The following TJP2 variants were observed in gnomAD, a reference collection of about 807,000 sequenced individuals.
TJP2 encodes tight junction protein 2.
In TJP2, 91 loss-of-function variants were observed where a neutral mutation model predicts 133.1. The ratio of observed to expected loss-of-function variants is 0.68; its 90% CI spans 0.58 to 0.81. The LOEUF is 0.81. TJP2 is among the 40% of genes least tolerant of loss of function. The pLI is 0.00. For missense variants in TJP2, 1,541 were observed against 1,565.6 expected (o/e 0.98, Z 0.26); for synonymous variants, 592 against 583.4 (o/e 1.01, Z -0.21).
chr9:69,176,968 G>C (rs1410438450), intron 1 of TJP2, among the ~76,000 whole-genome samples: 1 of 152,196 alleles, frequency 6.6e-6, no homozygotes, highest in East Asian at 1.9e-4. Flanking sequence ...GTTTGGGTGT[G>C]GTGGGGGCGG....
chr9:69,232,215 A>AT (rs1265737796), intron 11 of TJP2, among the ~76,000 whole-genome samples: 1 of 152,228 alleles, frequency 6.6e-6, no homozygotes. Context: ...AGGTCAGGCA[A>AT]TAGGTGGTCC....
At chr9:69,201,174 A>G (rs1280919118) in intron 1 of TJP2, among the ~76,000 whole-genome samples, 2 of 152,144 alleles carry the variant, frequency 1.3e-5, no homozygotes, top group African/African-American at 2.4e-5. Context: ...GGCCAGGTGC[A>G]TGGTTGCTTT....
intron 1 of TJP2, among the ~76,000 whole-genome samples, chr9:69,207,142 G>A (rs901789102): frequency 7.9e-5 from 12 of 151,860 alleles, no homozygotes; most frequent in African/African-American, 1.9e-4. Context: ...ACACACACAC[G>A]CCCCTAAACA....
chr9:69,189,201 C>G (rs568149889), intron 1 of TJP2, among the ~76,000 whole-genome samples: 3 of 152,160 alleles, frequency 2.0e-5, no homozygotes, highest in African/African-American at 7.2e-5. Flanking sequence ...CAGATACTGC[C>G]GAGATGTTGG....
intron 1 of TJP2, among the ~76,000 whole-genome samples, chr9:69,202,008 G>T (rs1339265606): frequency 6.6e-6 from 1 of 152,186 alleles, no homozygotes; most frequent in African/African-American, 2.4e-5. Flanking sequence ...AGTTTTGCAA[G>T]ATGAAGAGTT....
rs1424807400 is a variant in TJP2 at position 69,174,417 on chromosome 9, G to A, written c.45G>A (p.Leu15=). The A allele has an allele frequency of 3.2e-6, 5 of 1,551,606 alleles. No individual in the cohort carries two copies. Among genetic ancestry groups the A allele is most frequent in the Non-Finnish European group, 3.5e-6 (4 of 1,147,120 alleles). ...GDRGFPPRRE[L]SGWLRAPGME... is the part of the protein sequence containing the mutation. ...GCGGGTTTCCACCCCGGCGGGAGCT[G>A]TCAGGTTGGCTCCGCGTAAGTGCCT... The change falls in exon 1 of 23, where the codon CTG becomes CTA. Residue 15 remains leucine, a synonymous_variant. Transcript: ENST00000377245.
chr9:69,230,146 A>T lies in TJP2; in HGVS notation c.1585A>T (p.Asn529Tyr). ...DSVGLRLAGG[N>Y]DVGIFVAGIQ... ...CGTGGGCCTCCGGTTGGCTGGTGGC[A>T]ATGATGTCGGGATATTTGTTGCTGG... The change falls in exon 11 of 23, where the codon AAT becomes TAT. Residue 529 changes from asparagine (N) to tyrosine (Y), a missense_variant. Asn to Tyr is a moderately radical substitution (Grantham distance 143). Coordinates refer to ENST00000377245, the MANE Select transcript of TJP2 (RefSeq NM_004817.4). 6.2e-7 allele frequency: 1 copy of T among 1,614,192 alleles called. No homozygotes were observed. The highest frequency in any genetic ancestry group is 8.5e-7 in the Non-Finnish European group (1 of 1,180,036).
At chr9:69,225,204 T>G in intron 5 of TJP2, 100 bp from the exon 6 acceptor site, 2 of 788,418 alleles carry the variant, frequency 2.5e-6, no homozygotes, top group Admixed American at 2.1e-5. Flanking sequence ...ATATACAAAA[T>G]TAACTTTTTA....
intron 1 of TJP2, among the ~76,000 whole-genome samples, chr9:69,132,258 T>C (rs528810945): frequency 1.1e-4 from 17 of 152,204 alleles, no homozygotes; most frequent in Admixed American, 5.2e-4. Context: ...TTGTACAGTT[T>C]AAGGACAGTG....
intron 1 of TJP2, among the ~76,000 whole-genome samples, chr9:69,132,223 C>T (rs1371533813): frequency 6.6e-6 from 1 of 152,258 alleles, no homozygotes; most frequent in Non-Finnish European, 1.5e-5. Flanking sequence ...ACAAGGAAAG[C>T]AGCTGTTCAG....
intron 7 of TJP2, among the ~76,000 whole-genome samples, chr9:69,227,088 A>AAAT (rs1213288089): frequency 6.6e-6 from 1 of 152,086 alleles, no homozygotes; most frequent in Admixed American, 6.6e-5. Context: ...GAAGTTTAGA[A>AAAT]AATATTAAGT....
chr9:69,167,793 G>A (rs1245195257), intron 2 of TJP2, among the ~76,000 whole-genome samples: 1 of 151,674 alleles, frequency 6.6e-6, no homozygotes, highest in African/African-American at 2.4e-5. Flanking sequence ...GCTTGGACCT[G>A]GGAGGCAGAG....
intron 1 of TJP2, among the ~76,000 whole-genome samples, chr9:69,207,992 G>T (rs767159710): frequency 2.0e-5 from 3 of 152,206 alleles, no homozygotes; most frequent in Admixed American, 6.5e-5. Context: ...GGGCTTTGGC[G>T]ATTTTATTCA....
Position 69,216,623 on chromosome 9 carries a change from C to T in TJP2, c.239+160C>T, listed in dbSNP as rs75014297. Among the ~76,000 whole-genome samples the T allele has an allele frequency of 6.6e-4, 100 of 150,490 alleles. No homozygotes were observed. The East Asian group carries it at 0.017, about 25-fold the overall frequency. On this transcript the variant is annotated intron_variant, in intron 3 of 22. Coordinates refer to ENST00000377245, the MANE Select transcript of TJP2 (RefSeq NM_004817.4). ...TCAAGCTGGAATGGAAGCCATAACA[C>T]ACCATGTTTGAATAATGCCCAAACC...
In TJP2 at chr9:69,228,131, A is replaced by C. The variant is rs148414404; in HGVS notation, c.1453+17A>C. On this transcript the variant is annotated intron_variant, in intron 9 of 22. Coordinates refer to ENST00000377245, the MANE Select transcript of TJP2 (RefSeq NM_004817.4). ...ACCCCCCAGGTGAGCCATTAAGACC[A>C]CTCAGTTTCAACAGTTGTGTTCAGA... 1.4e-5 allele frequency: 23 copies of C among 1,588,810 alleles called. No homozygotes were observed. The East Asian group carries it at 4.1e-4, about 28-fold the overall frequency.
intron 2 of TJP2, among the ~76,000 whole-genome samples, chr9:69,169,119 T>A (rs577873753): frequency 1.3e-5 from 2 of 152,300 alleles, no homozygotes; most frequent in East Asian, 1.9e-4. Flanking sequence ...CTCAGCACTT[T>A]AGTCATCTCT....
chr9:69,189,363 C>T (rs1358194858), intron 1 of TJP2, among the ~76,000 whole-genome samples: 1 of 152,190 alleles, frequency 6.6e-6, no homozygotes, highest in African/African-American at 2.4e-5. Flanking sequence ...TCCTCACTGT[C>T]TTTCCCCAGG....
chr9:69,134,089 T>A (rs760143097), intron 1 of TJP2, among the ~76,000 whole-genome samples: 2 of 152,182 alleles, frequency 1.3e-5, no homozygotes, highest in Non-Finnish European at 2.9e-5. Flanking sequence ...CAGTTGCTTG[T>A]TGCAGCATTA....
chr9:69,249,045 A>C, intron 19 of TJP2: 1 of 1,028,144 alleles, frequency 9.7e-7, no homozygotes, highest in East Asian at 8.5e-5. Flanking sequence ...CACAGCAACA[A>C]ATTAGTTTAT....
Sources: allele counts gnomAD v4.1 joint callset (sites outside exome capture counted in the v4.1 genomes callset), GRCh38; gene constraint gnomAD v4.1.1; transcripts MANE v1.5; gene names NCBI Gene and HGNC (gene_info 2026-07-23, HGNC 2026-07-21).